LINGO2: variants seen among roughly 807,000 people sequenced by gnomAD.
The protein encoded by LINGO2 is leucine-rich repeat and immunoglobulin-like domain-containing nogo receptor-interacting protein 2.
In LINGO2, 14 loss-of-function variants were observed where a neutral mutation model predicts 30.6. The observed-to-expected ratio is 0.46, with a 90% CI of 0.30 to 0.72. The LOEUF is 0.72. Among genes scored for constraint, LINGO2 ranks in the 30% least tolerant of loss-of-function variants. LINGO2 has a pLI of 0.07. For synonymous variants in LINGO2, 317 were observed against 288.5 expected, an observed-to-expected ratio of 1.10 and a Z score of -1.00; for missense variants, 729 against 751.7, an observed-to-expected ratio of 0.97 and a Z score of 0.35.
At chr9:28,787,620 T>C in the LINGO2 span, among the ~76,000 whole-genome samples, 2 of 152,188 alleles carry the variant, frequency 1.3e-5, no homozygotes, top group Admixed American at 6.5e-5. Flanking sequence ...TTTTACCCGG[T>C]AGTTCCTTAG....
At chr9:28,433,949 C>CTCTCTATATATATATATATATATATATA (rs1225323260) in intron 2 of LINGO2, among the ~76,000 whole-genome samples, 3 of 88,546 alleles carry the variant, frequency 3.4e-5, no homozygotes, top group African/African-American at 1.3e-4. Flanking sequence ...CTCTCTCTCT[C>CTCTCTATATATATATATATATATATATA]TATATATATA....
intron 3 of LINGO2, among the ~76,000 whole-genome samples, chr9:28,335,053 T>C (rs1431006988): frequency 6.6e-6 from 1 of 152,154 alleles, no homozygotes; most frequent in Non-Finnish European, 1.5e-5. Flanking sequence ...ATTGGTGGAA[T>C]GAGGTTCATA....
At chr9:28,498,753 C>G (rs1254163531) in intron 1 of LINGO2, among the ~76,000 whole-genome samples, 1 of 152,124 alleles carries the variant, frequency 6.6e-6, no homozygotes, top group African/African-American at 2.4e-5. Flanking sequence ...GTCGCTCATG[C>G]TGGGAGCTGT....
chr9:28,292,938 CTTT>C (rs1232824482), intron 4 of LINGO2, among the ~76,000 whole-genome samples: 1 of 151,188 alleles, frequency 6.6e-6, no homozygotes, highest in Non-Finnish European at 1.5e-5. Context: ...GCTTGGATAA[CTTT>C]TTTTGTATTT....
intron 4 of LINGO2, among the ~76,000 whole-genome samples, chr9:28,149,808 G>C (rs937511388): frequency 1.0e-4 from 15 of 150,406 alleles, no homozygotes; most frequent in Non-Finnish European, 8.9e-5. Context: ...CATCTGGGAA[G>C]TGACGAGCAC....
the LINGO2 span, among the ~76,000 whole-genome samples, chr9:28,999,937 T>A: frequency 6.6e-6 from 1 of 151,950 alleles, no homozygotes; most frequent in Non-Finnish European, 1.5e-5. Context: ...CACTCAGGCA[T>A]GAAAGAACCC....
intron 4 of LINGO2, among the ~76,000 whole-genome samples, chr9:28,042,787 C>G (rs1392513066): frequency 6.6e-6 from 1 of 152,066 alleles, no homozygotes; most frequent in African/African-American, 2.4e-5. Context: ...TATATGTTAT[C>G]TTTGCCTATT....
At chr9:28,117,297 A>G (rs942103951) in intron 4 of LINGO2, among the ~76,000 whole-genome samples, 2 of 148,920 alleles carry the variant, frequency 1.3e-5, no homozygotes, top group Admixed American at 6.7e-5. Context: ...TGCTGGGAGA[A>G]CCACTGCTCT....
intron 4 of LINGO2, among the ~76,000 whole-genome samples, chr9:28,050,196 G>A (rs747051448): frequency 2.0e-5 from 3 of 150,480 alleles, no homozygotes; most frequent in Non-Finnish European, 4.4e-5. Flanking sequence ...GGAACAAATT[G>A]AGGGAAGGCA....
At chr9:28,224,805 A>C (rs1162846024) in intron 4 of LINGO2, among the ~76,000 whole-genome samples, 1 of 152,190 alleles carries the variant, frequency 6.6e-6, no homozygotes, top group Non-Finnish European at 1.5e-5. Context: ...TAAACACCCT[A>C]AATGGCGAAA....
At chr9:28,989,786 A>C in the LINGO2 span, among the ~76,000 whole-genome samples, 3 of 152,218 alleles carry the variant, frequency 2.0e-5, no homozygotes, top group African/African-American at 7.2e-5. Context: ...CCATGAGATT[A>C]AGTTTTAGAA....
downstream of LINGO2, among the ~76,000 whole-genome samples, chr9:27,947,418 G>A (rs1823407558): frequency 2.0e-5 from 3 of 151,962 alleles, no homozygotes; most frequent in African/African-American, 7.2e-5. Context: ...CATATTTATG[G>A]GGCTATAACC....
chr9:28,832,714 A>G, the LINGO2 span, among the ~76,000 whole-genome samples: 1 of 152,184 alleles, frequency 6.6e-6, no homozygotes, highest in African/African-American at 2.4e-5. Flanking sequence ...ACCAGTTTCC[A>G]TATAAGAATA....
the LINGO2 span, among the ~76,000 whole-genome samples, chr9:29,069,786 A>T: frequency 6.6e-6 from 1 of 152,180 alleles, no homozygotes; most frequent in South Asian, 2.1e-4. Context: ...AGGAGTTTGT[A>T]ATAGATTCTC....
At chr9:28,124,527 C>G (rs1359976544) in intron 4 of LINGO2, among the ~76,000 whole-genome samples, 2 of 152,214 alleles carry the variant, frequency 1.3e-5, no homozygotes, top group Non-Finnish European at 2.9e-5. Flanking sequence ...ACCTCAGAGA[C>G]AAACTATGTT....
At chr9:29,058,592 C>A in the LINGO2 span, among the ~76,000 whole-genome samples, 3 of 151,724 alleles carry the variant, frequency 2.0e-5, no homozygotes, top group Admixed American at 6.6e-5. Flanking sequence ...TATAAGCCCA[C>A]AGATTCAAGA....
the LINGO2 span, among the ~76,000 whole-genome samples, chr9:28,766,975 C>G: frequency 6.6e-6 from 1 of 152,038 alleles, no homozygotes; most frequent in Non-Finnish European, 1.5e-5. Context: ...TATAGAAACA[C>G]ATACAGAATG....
chr9:28,739,217 C>T, the LINGO2 span, among the ~76,000 whole-genome samples: 10 of 151,814 alleles, frequency 6.6e-5, no homozygotes, highest in Admixed American at 6.6e-4. Flanking sequence ...AAAGGTCTCC[C>T]TATTTCAAGA....
chr9:28,125,775 A>G (rs1827219383), intron 4 of LINGO2, among the ~76,000 whole-genome samples: 2 of 152,240 alleles, frequency 1.3e-5, no homozygotes, highest in South Asian at 4.1e-4. Flanking sequence ...GGTGACATTA[A>G]TGAAATACTA....
Sources: allele counts gnomAD v4.1 joint callset (sites outside exome capture counted in the v4.1 genomes callset), GRCh38; gene constraint gnomAD v4.1.1; transcripts MANE v1.5; gene names NCBI Gene and HGNC (gene_info 2026-07-23, HGNC 2026-07-21).